DLG2: variants seen among roughly 807,000 people sequenced by gnomAD.
DLG2 encodes discs large MAGUK scaffold protein 2.
A neutral mutation model predicts 132.5 loss-of-function variants in DLG2; 45 were observed. The observed-to-expected ratio is 0.34, with a 90% CI of 0.27 to 0.44. The LOEUF is 0.44. Among genes scored for constraint, DLG2 ranks in the 20% least tolerant of loss-of-function variants. The pLI is 1.00. For missense variants in DLG2, 1,045 were observed against 1,196.9 expected (o/e 0.87, Z 1.87); for synonymous variants, 424 against 419.6 (o/e 1.01, Z -0.13).
chr11:83,960,146 C>T lies in DLG2; in HGVS notation c.1340+2739G>A, dbSNP rs75911717. The stretch of plus-strand genomic sequence containing the variant: ...CACTACCACAAATGCCCTTCCTCAT[C>T]TCTTGACTCTCTGACCAATGCCTAC... On this transcript the variant is annotated intron_variant, in intron 14 of 27. Transcript: ENST00000376104. Among the ~76,000 whole-genome samples, 42 of 152,146 alleles carry T rather than the reference C, an allele frequency of 2.8e-4. 1 individual carries two copies. The East Asian group carries it at 7.9e-3, about 29-fold the overall frequency.
intron 16 of DLG2, among the ~76,000 whole-genome samples, chr11:83,850,180 G>A (rs1426623847): frequency 8.2e-6 from 1 of 122,210 alleles, no homozygotes; most frequent in Non-Finnish European, 1.7e-5. Context: ...TTGAGACGGA[G>A]TCTCACTCTG....
chr11:83,808,863 T>C (rs1309785982), intron 17 of DLG2, among the ~76,000 whole-genome samples: 1 of 152,074 alleles, frequency 6.6e-6, no homozygotes, highest in African/African-American at 2.4e-5. Flanking sequence ...CCTCCCATTC[T>C]CCCCTGCAGG....
intron 6 of DLG2, among the ~76,000 whole-genome samples, chr11:85,048,894 T>TA (rs2062618903): frequency 6.6e-6 from 1 of 152,072 alleles, no homozygotes; most frequent in East Asian, 1.9e-4. Flanking sequence ...AATGTGTTCT[T>TA]ACGCTCTTTG....
intron 10 of DLG2, among the ~76,000 whole-genome samples, chr11:84,077,276 T>C (rs1292214373): frequency 1.3e-5 from 2 of 152,196 alleles, no homozygotes; most frequent in African/African-American, 4.8e-5. Flanking sequence ...CTGAGTTTCC[T>C]CACAAAGCCC....
At chr11:85,334,964 T>A (rs2082025003) in intron 3 of DLG2, among the ~76,000 whole-genome samples, 1 of 152,138 alleles carries the variant, frequency 6.6e-6, no homozygotes, top group Admixed American at 6.5e-5. Flanking sequence ...TGAGTTTAGG[T>A]CCTGAATGTC....
intron 6 of DLG2, among the ~76,000 whole-genome samples, chr11:84,600,164 GAAA>G (rs1565419069): frequency 1.9e-4 from 14 of 74,502 alleles, no homozygotes; most frequent in Non-Finnish European, 3.5e-4. Context: ...AAGAAGGAAA[GAAA>G]GAAAGAAAGA....
intron 17 of DLG2, among the ~76,000 whole-genome samples, chr11:83,804,352 G>A (rs1035506597): frequency 1.3e-5 from 2 of 151,958 alleles, no homozygotes; most frequent in Non-Finnish European, 2.9e-5. Flanking sequence ...TGTTGCTTTT[G>A]TTTTTTCCTT....
At chr11:85,441,797 G>T (rs571209636) in intron 3 of DLG2, among the ~76,000 whole-genome samples, 4 of 152,240 alleles carry the variant, frequency 2.6e-5, no homozygotes, top group Non-Finnish European at 5.9e-5. Flanking sequence ...GACAGACAAG[G>T]ATCCTGTCCA....
intron 3 of DLG2, among the ~76,000 whole-genome samples, chr11:85,519,851 G>A (rs1203615942): frequency 1.3e-5 from 2 of 152,050 alleles, no homozygotes; most frequent in African/African-American, 4.8e-5. Flanking sequence ...TTATAAGGGG[G>A]AGTTTTCCAG....
At chr11:84,180,325 A>C (rs1283820457) in intron 8 of DLG2, among the ~76,000 whole-genome samples, 1 of 152,134 alleles carries the variant, frequency 6.6e-6, no homozygotes, top group Non-Finnish European at 1.5e-5. Flanking sequence ...TGAAAAACAG[A>C]GAAAAAAAGA....
chr11:84,231,522 T>C (rs1041346075), intron 8 of DLG2, among the ~76,000 whole-genome samples: 8 of 151,936 alleles, frequency 5.3e-5, no homozygotes, highest in South Asian at 2.1e-4. Flanking sequence ...AAATAAGAGA[T>C]TGGGCATTAA....
At chr11:84,952,473 C>A (rs1017056184) in intron 6 of DLG2, among the ~76,000 whole-genome samples, 3 of 151,810 alleles carry the variant, frequency 2.0e-5, no homozygotes, top group Admixed American at 1.3e-4. Flanking sequence ...GCGGAGATCG[C>A]GCCACAGCAC....
intron 6 of DLG2, among the ~76,000 whole-genome samples, chr11:85,052,201 T>C (rs1040339606): frequency 6.6e-6 from 1 of 152,152 alleles, no homozygotes. Flanking sequence ...TGAAGGTTCC[T>C]AGGTGACAAA....
In DLG2 at chr11:84,243,017, C is replaced by CTCTATATA. The variant is rs542476924; in HGVS notation, c.573+8220_573+8221insTATATAGA. Among the ~76,000 whole-genome samples, 576 of 142,174 alleles carry CTCTATATA rather than the reference C, an allele frequency of 4.1e-3. 10 individuals carry two copies. Among genetic ancestry groups the CTCTATATA allele is most frequent in the Middle Eastern group, 0.023 (6 of 262 alleles). 93.3% of individuals were successfully genotyped at this position (142,174 alleles called of 152,430 possible). ...GTTCTCTCTCTCTCTCTCTCTCTCT[C>CTCTATATA]TATATATATATATATATATATACAC... is the stretch of plus-strand genomic sequence containing the variant. On this transcript the variant is annotated intron_variant, in intron 8 of 27. Coordinates refer to ENST00000376104, the MANE Select transcript of DLG2 (RefSeq NM_001142699.3).
chr11:85,350,297 T>G (rs1367158124), intron 3 of DLG2, among the ~76,000 whole-genome samples: 1 of 152,228 alleles, frequency 6.6e-6, no homozygotes, highest in African/African-American at 2.4e-5. Flanking sequence ...CTTTGTAGAT[T>G]CTGGATATTA....
chr11:85,617,244 A>G (rs2081399104), intron 2 of DLG2, among the ~76,000 whole-genome samples: 1 of 152,236 alleles, frequency 6.6e-6, no homozygotes, highest in Non-Finnish European at 1.5e-5. Context: ...ATCGATGATG[A>G]TGATAACACA....
chr11:84,023,208 A>G (rs1489626634), intron 11 of DLG2, among the ~76,000 whole-genome samples: 1 of 152,168 alleles, frequency 6.6e-6, no homozygotes, highest in Non-Finnish European at 1.5e-5. Context: ...AACAAAAAAC[A>G]GTTCTTAAAT....
intron 6 of DLG2, among the ~76,000 whole-genome samples, chr11:85,097,857 C>T (rs775629058): frequency 6.6e-6 from 1 of 152,144 alleles, no homozygotes; most frequent in Admixed American, 6.5e-5. Context: ...TTTCTCTTTG[C>T]TCTAAAATTA....
chr11:83,583,516 C>G (rs1309732775), intron 19 of DLG2, among the ~76,000 whole-genome samples: 1 of 152,216 alleles, frequency 6.6e-6, no homozygotes, highest in Non-Finnish European at 1.5e-5. Flanking sequence ...CTTCAACTGA[C>G]TCTCAGCTTC....
Sources: gnomAD v4.1 joint callset for allele counts (sites outside exome capture counted in the v4.1 genomes callset) on GRCh38, gnomAD v4.1.1 for gene constraint, MANE v1.5 for transcripts, NCBI Gene and HGNC (gene_info 2026-07-23, HGNC 2026-07-21) for gene names.